Variants in SGCD observed in about 807,000 individuals in gnomAD.
SGCD encodes the protein sarcoglycan delta, also known as delta-sarcoglycan.
A neutral mutation model predicts 36.6 loss-of-function variants in SGCD; 18 were observed. That is an observed-to-expected ratio of 0.49 (90% CI 0.34 to 0.73). The LOEUF (loss-of-function observed/expected upper bound fraction) is 0.73, where lower values mean the gene tolerates loss of function less well. SGCD is among the 30% of genes least tolerant of loss of function. The pLI, the probability that SGCD is intolerant of heterozygous loss-of-function variation, is 0.01. For missense variants in SGCD, 387 were observed against 346.7 expected, an observed-to-expected ratio of 1.12 and a Z score of -0.92; for synonymous variants, 133 against 130.6, an observed-to-expected ratio of 1.02 and a Z score of -0.12.
At chr5:156,638,168 A>G (rs1026289458) in intron 6 of SGCD, among the ~76,000 whole-genome samples, 3 of 151,486 alleles carry the variant, frequency 2.0e-5, no homozygotes, top group Admixed American at 2.0e-4. Flanking sequence ...TCCATTGACC[A>G]TGTGAGTCTT....
intron 3 of SGCD, among the ~76,000 whole-genome samples, chr5:156,278,189 A>G (rs1766367453): frequency 6.6e-6 from 1 of 152,178 alleles, no homozygotes; most frequent in Admixed American, 6.6e-5. Flanking sequence ...TGGGACTGGT[A>G]TATAGTGAGC....
rs143237136 is a variant in SGCD at position 155,913,059 on chromosome 5, C to A, written c.-282+42635C>A. 1.2e-4 allele frequency among the ~76,000 whole-genome samples: 19 copies of A among 152,216 alleles called. No homozygotes were observed. The East Asian group carries it at 3.7e-3, about 29-fold the overall frequency. ...TCTACAGTGGTGATATTGTCAATGT[C>A]TTTTCAAACTTTTTTCTCTTTTTAA... is the stretch of plus-strand genomic sequence containing the variant. On this transcript the variant is annotated intron_variant, in intron 1 of 9. Transcript: ENST00000517913.
chr5:156,054,267 AAACATG>A (rs1446909268), intron 1 of SGCD, among the ~76,000 whole-genome samples: 1 of 135,592 alleles, frequency 7.4e-6, no homozygotes, highest in African/African-American at 2.6e-5. Flanking sequence ...TAAACCAATT[AAACATG>A]AACTTTCCTT....
chr5:156,411,538 G>C (rs1173614134), intron 3 of SGCD, among the ~76,000 whole-genome samples: 2 of 152,228 alleles, frequency 1.3e-5, no homozygotes, highest in Non-Finnish European at 2.9e-5. Context: ...TCCTGGCTCT[G>C]CCTGTTGTAT....
At chr5:155,851,019 A>G in the SGCD span, among the ~76,000 whole-genome samples, 1 of 152,184 alleles carries the variant, frequency 6.6e-6, no homozygotes, top group African/African-American at 2.4e-5. Flanking sequence ...AAGGGCATCC[A>G]TTTTATCTGA....
intron 2 of SGCD, among the ~76,000 whole-genome samples, chr5:156,122,016 T>G (rs1762053845): frequency 6.6e-6 from 1 of 152,162 alleles, no homozygotes; most frequent in African/African-American, 2.4e-5. Flanking sequence ...CAACTAACAT[T>G]CATCTTTTGC....
At chr5:155,926,725 G>T (rs990778516) in intron 1 of SGCD, among the ~76,000 whole-genome samples, 2 of 152,054 alleles carry the variant, frequency 1.3e-5, no homozygotes, top group Admixed American at 1.3e-4. Context: ...ATAAATTGAG[G>T]TATATACACA....
intron 3 of SGCD, among the ~76,000 whole-genome samples, chr5:156,289,414 A>G (rs531507835): frequency 2.0e-5 from 3 of 151,922 alleles, no homozygotes; most frequent in African/African-American, 7.2e-5. Flanking sequence ...TCACCTGGGT[A>G]TTAAGCCCCG....
intron 4 of SGCD, among the ~76,000 whole-genome samples, chr5:156,577,531 A>G (rs532533568): frequency 6.6e-6 from 1 of 152,270 alleles, no homozygotes; most frequent in Admixed American, 6.5e-5. Flanking sequence ...CACAATATTT[A>G]TCCTTCCTAT....
intron 3 of SGCD, among the ~76,000 whole-genome samples, chr5:156,151,095 C>T (rs956802445): frequency 6.6e-6 from 1 of 151,660 alleles, no homozygotes. Flanking sequence ...AATCTAGATA[C>T]ATCAGGGGGA....
intron 3 of SGCD, among the ~76,000 whole-genome samples, chr5:156,497,912 T>TTATAA (rs1189926779): frequency 2.0e-5 from 3 of 152,228 alleles, no homozygotes; most frequent in Non-Finnish European, 4.4e-5. Flanking sequence ...TAATGCTCCC[T>TTATAA]AGAAAAGAAA....
chr5:156,385,425 G>T (rs954990445), intron 3 of SGCD, among the ~76,000 whole-genome samples: 2 of 152,222 alleles, frequency 1.3e-5, no homozygotes, highest in Non-Finnish European at 2.9e-5. Flanking sequence ...GAAACAGGGT[G>T]GGGGAAGCAA....
Position 156,153,339 on chromosome 5 carries a change from C to T in SGCD, c.-44+29320C>T, listed in dbSNP as rs10061542. On this transcript the variant is annotated intron_variant, in intron 3 of 9. Transcript: ENST00000517913. ...ATCCAGGCTGTGATGAGGTTTTTAACGTGGGCCTTGGTTTTAAATAATGCT... is the reference window on the plus strand; with the variant it reads ...ATCCAGGCTGTGATGAGGTTTTTAATGTGGGCCTTGGTTTTAAATAATGCT... Among the ~76,000 whole-genome samples the T allele has an allele frequency of 5.8e-4, 87 of 150,700 alleles. 4 individuals carry two copies. Among genetic ancestry groups the T allele is most frequent in the African/African-American group, 2.0e-3 (82 of 40,594 alleles).
At chr5:155,822,825 C>T in the SGCD span, among the ~76,000 whole-genome samples, 4 of 152,134 alleles carry the variant, frequency 2.6e-5, no homozygotes, top group Non-Finnish European at 5.9e-5. Context: ...TATCCACAGG[C>T]ATAGTGTGCT....
intron 3 of SGCD, among the ~76,000 whole-genome samples, chr5:156,145,554 A>C (rs530572931): frequency 6.6e-6 from 1 of 152,336 alleles, no homozygotes; most frequent in Non-Finnish European, 1.5e-5. Flanking sequence ...TGAAATTAAG[A>C]ATGAATTTTA....
chr5:156,050,626 A>C (rs909125737), intron 1 of SGCD, among the ~76,000 whole-genome samples: 1 of 146,376 alleles, frequency 6.8e-6, no homozygotes, highest in Non-Finnish European at 1.5e-5. Flanking sequence ...GTGGTAAAGC[A>C]CCACAAATGC....
chr5:156,282,615 G>A (rs1179085350), intron 3 of SGCD, among the ~76,000 whole-genome samples: 1 of 152,168 alleles, frequency 6.6e-6, no homozygotes, highest in African/African-American at 2.4e-5. Flanking sequence ...TTGTAATATG[G>A]TTGGATGCTA....
At chr5:156,441,514 G>C (rs979519098) in intron 3 of SGCD, among the ~76,000 whole-genome samples, 1 of 152,008 alleles carries the variant, frequency 6.6e-6, no homozygotes, top group Non-Finnish European at 1.5e-5. Flanking sequence ...CATTACATAT[G>C]GTACAGAACT....
At chr5:155,947,710 A>G (rs1757467654) in intron 1 of SGCD, among the ~76,000 whole-genome samples, 1 of 152,148 alleles carries the variant, frequency 6.6e-6, no homozygotes, top group South Asian at 2.1e-4. Context: ...CATGGCAGAG[A>G]TGAAGGTGGG....
Sources: gnomAD v4.1 joint callset for allele counts (sites outside exome capture counted in the v4.1 genomes callset) on GRCh38, gnomAD v4.1.1 for gene constraint, MANE v1.5 for transcripts, NCBI Gene and HGNC (gene_info 2026-07-23, HGNC 2026-07-21) for gene names.